The following MYLK variants were observed in gnomAD, a reference collection of about 807,000 sequenced individuals.
The protein encoded by MYLK is myosin light chain kinase.
Under a neutral mutation model 203.4 loss-of-function variants are expected in MYLK, and 106 were observed. That is an observed-to-expected ratio of 0.52 (90% CI 0.45 to 0.61). MYLK has a LOEUF of 0.61. Among genes scored for constraint, MYLK ranks in the 20% least tolerant of loss-of-function variants. MYLK has a pLI of 0.00. For missense variants in MYLK, 2,072 were observed against 2,442.3 expected, an observed-to-expected ratio of 0.85 and a Z score of 3.20; for synonymous variants, 867 against 959.5, an observed-to-expected ratio of 0.90 and a Z score of 1.78.
chr3:123,872,458 A>T (rs1046834771), intron 2 of MYLK, among the ~76,000 whole-genome samples: 5 of 152,168 alleles, frequency 3.3e-5, no homozygotes, highest in African/African-American at 1.2e-4. Flanking sequence ...TTAAGGGCTC[A>T]GTCCCCAAGA....
chr3:123,870,530 C>T (rs185676643), intron 2 of MYLK, among the ~76,000 whole-genome samples: 26 of 152,226 alleles, frequency 1.7e-4, no homozygotes, highest in Non-Finnish European at 3.2e-4. Context: ...GAAACAAAGA[C>T]AGGGCCAGCA....
intron 11 of MYLK, 138 bp downstream of exon 11, chr3:123,732,758 G>A (rs1465685565): frequency 1.2e-6 from 1 of 814,016 alleles, no homozygotes; most frequent in Non-Finnish European, 2.0e-6. Flanking sequence ...GCCTTGGCAT[G>A]TGATTGGGGG....
Position 123,638,754 on chromosome 3 carries a change from T to C in MYLK, c.4838-560A>G, listed in dbSNP as rs1184349091. The stretch of plus-strand genomic sequence containing the variant: ...CACCGTTCCTCCCTCCTGCCTCTCC[T>C]ACTCCTCACACAGCTTCATGGCTGT... On this transcript the variant is annotated intron_variant, in intron 28 of 33. Coordinates refer to ENST00000360304, the MANE Select transcript of MYLK (RefSeq NM_053025.4). 5 of 984,806 alleles carry C rather than the reference T, an allele frequency of 5.1e-6. No individual in the cohort carries two copies. The East Asian group carries it at 3.4e-4, about 67-fold the overall frequency. The allele number at this position is 984,806 out of a possible 1,614,324, so 61.0% of individuals were successfully genotyped here. A position where few individuals can be genotyped will look rare whatever the true frequency, so the allele number is the denominator to read the frequency against.
chr3:123,826,360 G>T (rs1259072064), intron 3 of MYLK, among the ~76,000 whole-genome samples: 2 of 152,228 alleles, frequency 1.3e-5, no homozygotes, highest in African/African-American at 4.8e-5. Context: ...TCACCAGGCT[G>T]GCTGAGCAGC....
At chr3:123,817,330 G>A (rs909953084) in intron 3 of MYLK, among the ~76,000 whole-genome samples, 2 of 152,156 alleles carry the variant, frequency 1.3e-5, no homozygotes, top group Non-Finnish European at 2.9e-5. Flanking sequence ...GGAGTCTTTA[G>A]CCCCTAGCAG....
rs553250256 is a variant in MYLK, at chr3:123,771,516, G to C, written c.166-18978C>G. 5.9e-5 allele frequency among the ~76,000 whole-genome samples: 9 copies of C among 151,904 alleles called. No homozygotes were observed. The East Asian group carries it at 1.7e-3, about 29-fold the overall frequency. ...ATTTCTCCTTTTATATAAATGTTTT[G>C]CTTCTGCTTTCCTTCGGCTTGTTCT... is the stretch of plus-strand genomic sequence containing the variant. On this transcript the variant is annotated intron_variant, in intron 4 of 33. Transcript: ENST00000360304.
chr3:123,846,996 G>GT (rs1485941907), intron 2 of MYLK, among the ~76,000 whole-genome samples: 1 of 152,000 alleles, frequency 6.6e-6, no homozygotes, highest in Non-Finnish European at 1.5e-5. Flanking sequence ...ACAGTATACA[G>GT]TTGGTTCTCT....
intron 13 of MYLK, among the ~76,000 whole-genome samples, chr3:123,719,017 T>C (rs1367878606): frequency 6.6e-6 from 1 of 151,870 alleles, no homozygotes; most frequent in African/African-American, 2.4e-5. Context: ...AAAGTGACAT[T>C]TGTGGGAGTT....
chr3:123,789,615 T>A (rs2064691095), intron 4 of MYLK, among the ~76,000 whole-genome samples: 3 of 137,964 alleles, frequency 2.2e-5, no homozygotes, highest in Admixed American at 1.5e-4. Flanking sequence ...AAAGTTGTAT[T>A]AATTCCTGAA....
intron 16 of MYLK, among the ~76,000 whole-genome samples, chr3:123,707,553 A>T (rs2061509086): frequency 6.6e-6 from 1 of 152,228 alleles, no homozygotes. Context: ...TGAGCTCAAA[A>T]GGGAAAGTTC....
intron 16 of MYLK, among the ~76,000 whole-genome samples, chr3:123,705,175 C>T (rs2061415179): frequency 6.6e-6 from 1 of 151,880 alleles, no homozygotes; most frequent in East Asian, 1.9e-4. Flanking sequence ...CAGTCATTCC[C>T]CTCGAAAGGC....
At chr3:123,670,637 C>T (rs577411987) in intron 20 of MYLK, among the ~76,000 whole-genome samples, 2 of 152,096 alleles carry the variant, frequency 1.3e-5, no homozygotes, top group East Asian at 3.9e-4. Flanking sequence ...TGTCTGTAGT[C>T]TCAGTTACTT....
intron 16 of MYLK, among the ~76,000 whole-genome samples, chr3:123,703,047 C>T (rs2061310915): frequency 6.6e-6 from 1 of 152,206 alleles, no homozygotes; most frequent in African/African-American, 2.4e-5. Context: ...CTGGCAGGCA[C>T]CTGCACCTGG....
chr3:123,629,332 A>G lies in MYLK; in HGVS notation c.5114+142T>C, dbSNP rs820447. On this transcript the variant is annotated intron_variant, in intron 30 of 33. Transcript: ENST00000360304. This position sits in a 1 kb window ranked among gnomAD's most constrained non-coding sequence, Gnocchi z 4.4. Reference sequence around the variant, plus strand: ...TGCATTCGGGTCTCTTACCATGCCCACCCTCCCTTCCTCAGGGAATGCTAG... The same window carrying G: ...TGCATTCGGGTCTCTTACCATGCCCGCCCTCCCTTCCTCAGGGAATGCTAG... The G allele has an allele frequency of 0.24, 243,967 of 1,013,420 alleles. 40,723 individuals are homozygous for G. Among genetic ancestry groups the G allele is most frequent in the East Asian group, 0.64 (24,347 of 38,070 alleles). The allele number at this position is 1,013,420 out of a possible 1,614,324, so 62.8% of individuals were successfully genotyped here.
At chr3:123,859,178 A>G (rs569337631) in intron 2 of MYLK, among the ~76,000 whole-genome samples, 1 of 152,348 alleles carries the variant, frequency 6.6e-6, no homozygotes, top group African/African-American at 2.4e-5. Context: ...ATGGCTTTCA[A>G]AGTGCCTAAA....
In MYLK at chr3:123,722,198, A is replaced by G. The variant is rs1252356845; in HGVS notation, c.1734T>C (p.His578=). The G allele has an allele frequency of 1.1e-5, 17 of 1,561,966 alleles. No homozygotes were observed. The highest frequency in any genetic ancestry group is 1.5e-5 in the Non-Finnish European group (17 of 1,152,808). The change falls in exon 13 of 34, where the codon CAT becomes CAC. Residue 578 remains histidine, a synonymous_variant. Coordinates refer to ENST00000360304, the MANE Select transcript of MYLK (RefSeq NM_053025.4). ...TCTCAGCTAGGCAGGTGTAGGTGCC[A>G]TGGTCCTCCGGCAGGGCATCCTGGA... ...LHIQDALPED[H]GTYTCLAENA... is the part of the protein sequence containing the mutation.
chr3:123,809,151 T>C (rs1389701169), intron 3 of MYLK, among the ~76,000 whole-genome samples: 1 of 152,120 alleles, frequency 6.6e-6, no homozygotes, highest in Non-Finnish European at 1.5e-5. Context: ...AGAAACTGAC[T>C]TAAGGCCACA....
intron 20 of MYLK, chr3:123,681,940 T>G (rs970856015): frequency 6.7e-5 from 32 of 474,250 alleles, no homozygotes; most frequent in Non-Finnish European, 3.9e-6. Flanking sequence ...TGAAAGGGCA[T>G]GAAGGAGGTT....
chr3:123,681,907 T>C lies in MYLK; in HGVS notation c.3652+317A>G, dbSNP rs148335934. The C allele has an allele frequency of 1.5e-3, 568 of 387,314 alleles. 4 individuals carry two copies. Among genetic ancestry groups the C allele is most frequent in the African/African-American group, 0.011 (544 of 48,608 alleles). 24.0% of individuals were successfully genotyped at this position (387,314 alleles called of 1,614,324 possible). ...CAACTGGGGAGAAATTAGGAGGAGC[T>C]CTCCTAGAGTCTTGGTGGGAAGTGA... On this transcript the variant is annotated intron_variant, in intron 20 of 33. Coordinates refer to ENST00000360304, the MANE Select transcript of MYLK (RefSeq NM_053025.4).
Sources: allele counts gnomAD v4.1 joint callset (sites outside exome capture counted in the v4.1 genomes callset), GRCh38; gene constraint gnomAD v4.1.1; non-coding constraint Gnocchi (gnomAD v3.1); transcripts MANE v1.5; gene names NCBI Gene and HGNC (gene_info 2026-07-23, HGNC 2026-07-21).